Variants in SCNN1D observed in about 807,000 individuals in gnomAD.
SCNN1D encodes the protein epithelial sodium channel subunit delta.
Under a neutral mutation model 87.8 loss-of-function variants are expected in SCNN1D, and 104 were observed. The observed-to-expected ratio is 1.18, with a 90% CI of 1.01 to 1.39. The LOEUF is 1.39. Ranked by LOEUF, SCNN1D falls within the 40% of genes most tolerant of loss-of-function variation. SCNN1D has a pLI of 0.00. For synonymous variants in SCNN1D, 628 were observed against 481.2 expected (o/e 1.31, Z -3.99); for missense variants, 1,324 against 1,093.9 (o/e 1.21, Z -2.97).
intron 15 of SCNN1D, 57 bp downstream of exon 15, chr1:1,290,751 C>T: frequency 3.1e-6 from 5 of 1,598,322 alleles, no homozygotes; most frequent in East Asian, 2.2e-5. Context: ...CCCCACAGGT[C>T]CCACAGAGCC....
rs1038659290 is a variant in SCNN1D at position 1,281,668 on chromosome 1, C to T, written c.277+58C>T. ...CGGGAGGAGGGGAGGGGGGTGGAGC[C>T]GGGAGCTGCGTGATCCAGCCGAGAT... is the stretch of plus-strand genomic sequence containing the variant. On this transcript the variant is annotated intron_variant, in intron 3 of 17. Coordinates refer to ENST00000379116, the MANE Select transcript of SCNN1D (RefSeq NM_001130413.4). 8.3e-6 allele frequency: 12 copies of T among 1,451,144 alleles called. No individual in the cohort carries two copies. In the Admixed American group the frequency reaches 1.6e-4, roughly 20 times the overall value. 89.9% of individuals were successfully genotyped at this position (1,451,144 alleles called of 1,614,324 possible). A position where few individuals can be genotyped will look rare whatever the true frequency, so the allele number is the denominator to read the frequency against.
chr1:1,287,428 G>C (rs1019749810), intron 9 of SCNN1D, 80 bp from the exon 10 acceptor site: 1 of 1,487,144 alleles, frequency 6.7e-7, no homozygotes, highest in Non-Finnish European at 9.0e-7. Flanking sequence ...GCAGACACAG[G>C]GCAGGCCATG....
At chr1:1,284,228 TGGG>T (rs1275954172) in intron 5 of SCNN1D, 138 bp downstream of exon 5, 1 of 23,116 alleles carries the variant, frequency 4.3e-5, no homozygotes, top group Non-Finnish European at 7.8e-5. Context: ...GGGTTGGGGT[TGGG>T]GGGCCCCACC....
chr1:1,285,638 C>T lies in SCNN1D; in HGVS notation c.532C>T (p.His178Tyr). Residue 178 changes from histidine to tyrosine, a missense_variant, in exon 6 of 18, where the codon CAC (histidine) becomes TAC (tyrosine). His to Tyr is a moderately conservative substitution (Grantham distance 83). Transcript: ENST00000379116. ...LKGWQHRPTQ[H>Y]NAACKQGQAA... ...GGGATGGCAGCACAGACCCACTCAG[C>T]ACAACGCTGCCTGCAAACAGGGCCA... The T allele has an allele frequency of 1.3e-6, 2 of 1,546,994 alleles. No individual in the cohort carries two copies. The highest frequency in any genetic ancestry group is 1.7e-6 in the Non-Finnish European group (2 of 1,145,264).
At chr1:1,287,894 G>C in intron 11 of SCNN1D, 45 bp from the exon 12 acceptor site, 4 of 1,518,630 alleles carry the variant, frequency 2.6e-6, no homozygotes, top group Non-Finnish European at 1.8e-6. Flanking sequence ...CCTGGGCTTT[G>C]GGGGGTGAGG....
chr1:1,281,701 G>C, intron 3 of SCNN1D, 91 bp downstream of exon 3: 1 of 1,206,622 alleles, frequency 8.3e-7, no homozygotes, highest in South Asian at 1.5e-5. Context: ...GATGTGCTCT[G>C]ACTGAGGCCC....
rs140544860 is a variant in SCNN1D at position 1,290,374 on chromosome 1, G to C, written c.1766G>C (p.Arg589Pro). Residue 589 changes from arginine to proline, a missense_variant, in exon 13 of 18, where the codon CGG (arginine) becomes CCG (proline). Arg to Pro is a moderately radical substitution (Grantham distance 103). Transcript: ENST00000379116. ...PAGAEYCSSA[R>P]HPAWGHCFYR... ...GGGGCTGAGTACTGCAGCTCTGCCC[G>C]GCACCCTGCCTGGGGTGAGTCCTGC... 7.5e-6 allele frequency: 12 copies of C among 1,601,464 alleles called. No homozygotes were observed. Among genetic ancestry groups the C allele is most frequent in the Non-Finnish European group, 1.0e-5 (12 of 1,172,648 alleles).
intron 4 of SCNN1D, among the ~76,000 whole-genome samples, chr1:1,282,625 T>C (rs1640494083): frequency 1.3e-5 from 2 of 152,140 alleles, no homozygotes; most frequent in Non-Finnish European, 2.9e-5. Context: ...GACAGTAGCA[T>C]GTGGTCTTAG....
intron 5 of SCNN1D, among the ~76,000 whole-genome samples, chr1:1,285,070 A>G (rs910380388): frequency 1.3e-5 from 2 of 152,212 alleles, no homozygotes; most frequent in African/African-American, 2.4e-5. Context: ...CAGGGTGAGC[A>G]GAGCCATGTG....
chr1:1,282,036 A>C (rs1640480511), intron 3 of SCNN1D: 4 of 599,194 alleles, frequency 6.7e-6, no homozygotes, highest in South Asian at 4.1e-5. Context: ...AAAGCTGCCC[A>C]GATGTGGTGG....
At chr1:1,287,465 G>C in intron 9 of SCNN1D, 43 bp from the exon 10 acceptor site, 3 of 1,505,302 alleles carry the variant, frequency 2.0e-6, no homozygotes, top group Non-Finnish European at 1.8e-6. Context: ...TGACGGGCGC[G>C]GGCAGCCGAC....
rs1375027086 is a variant in SCNN1D at position 1,286,202 on chromosome 1, G to A, written c.835G>A (p.Val279Ile). Residue 279 changes from valine (V) to isoleucine (I), a missense_variant, in exon 7 of 18, where the codon GTC (valine) becomes ATC (isoleucine). Physicochemically the swap from Val to Ile is conservative, Grantham distance 29. Transcript: ENST00000379116. The part of the protein sequence containing the change: ...LLFERHWHRP[V>I]LMAVSVHSER... ...CTTTGAGCGTCACTGGCACCGCCCGGTCCTCATGGCCGTCTCTGTGCACTC... is the reference window on the plus strand; with the variant it reads ...CTTTGAGCGTCACTGGCACCGCCCGATCCTCATGGCCGTCTCTGTGCACTC... 1 of 1,601,308 alleles carries A rather than the reference G, an allele frequency of 6.2e-7. No individual in the cohort carries two copies. The highest frequency in any genetic ancestry group is 1.3e-5 in the African/African-American group (1 of 74,968).
chr1:1,290,089 G>A (rs1473044331), intron 12 of SCNN1D, among the ~76,000 whole-genome samples, 182 bp from the exon 13 acceptor site: 8 of 122,898 alleles, frequency 6.5e-5, no homozygotes, highest in South Asian at 2.7e-4. Flanking sequence ...TCTCTGCTCC[G>A]TCCCGTGTCT....
chr1:1,290,847 G>GC (rs761858435), intron 15 of SCNN1D, 48 bp from the exon 16 acceptor site: 3 of 1,600,752 alleles, frequency 1.9e-6, no homozygotes, highest in Admixed American at 1.7e-5. Context: ...ACCCAGGATG[G>GC]CCGGGGGCAT....
chr1:1,291,155 C>G lies in SCNN1D; in HGVS notation c.2052+15C>G. 1 of 1,609,960 alleles carries G rather than the reference C, an allele frequency of 6.2e-7. No homozygotes were observed. Among genetic ancestry groups the G allele is most frequent in the South Asian group, 1.1e-5 (1 of 90,674 alleles). On this transcript the variant is annotated intron_variant, in intron 17 of 17. Coordinates refer to ENST00000379116, the MANE Select transcript of SCNN1D (RefSeq NM_001130413.4). ...CCGTGTACTCGGTGAGCCTTGGCCC[C>G]CTGCCTGGGCTAGAGCGGGGGCAGC... is the stretch of plus-strand genomic sequence containing the variant.
intron 5 of SCNN1D, among the ~76,000 whole-genome samples, chr1:1,285,332 TC>T (rs1640564585): frequency 6.6e-6 from 1 of 152,166 alleles, no homozygotes; most frequent in South Asian, 2.1e-4. Context: ...CCCTTGTGTC[TC>T]CGCAGCTGGC....
Position 1,286,833 on chromosome 1 carries a change from T to G in SCNN1D, c.977T>G (p.Leu326Arg). Residue 326 changes from leucine (L) to arginine (R), a missense_variant, in exon 8 of 18, where the codon CTG becomes CGG. By Grantham distance (102) the Leu-to-Arg change is moderately radical (BLOSUM62 -2). Coordinates refer to ENST00000379116, the MANE Select transcript of SCNN1D (RefSeq NM_001130413.4). ...DEFARENIDS[L>R]YNVNLSKGRA... The stretch of plus-strand genomic sequence containing the variant: ...TTTGCCAGGGAGAACATTGACTCCC[T>G]GTACAACGTCAACCTCAGCAAAGGC... The G allele has an allele frequency of 6.2e-7, 1 of 1,612,664 alleles. No individual in the cohort carries two copies. The highest frequency in any genetic ancestry group is 8.5e-7 in the Non-Finnish European group (1 of 1,179,912).
chr1:1,286,880 G>A lies in SCNN1D; in HGVS notation c.1024G>A (p.Val342Ile), dbSNP rs145603786. ...SKGRAALSAT[V>I]PRHEPPFHLD... ...AGGCAGAGCCGCCCTCTCCGCCACT[G>A]TCCCCCGCCACGAGCCCCCCTTCCA... Residue 342 changes from valine (V) to isoleucine (I), a missense_variant, in exon 8 of 18, where the codon GTC (valine) becomes ATC (isoleucine). Physicochemically the swap from Val to Ile is conservative, Grantham distance 29 (BLOSUM62 3). Coordinates refer to ENST00000379116, the MANE Select transcript of SCNN1D (RefSeq NM_001130413.4). The A allele has an allele frequency of 3.1e-6, 5 of 1,612,528 alleles. No individual in the cohort carries two copies. Among genetic ancestry groups the A allele is most frequent in the South Asian group, 1.1e-5 (1 of 91,080 alleles).
In SCNN1D at chr1:1,291,487, G is replaced by A. The variant is rs200302126; in HGVS notation, c.2286G>A (p.Thr762=). 408 of 1,609,410 alleles carry A rather than the reference G, an allele frequency of 2.5e-4. 2 individuals are homozygous for A. The highest frequency in any genetic ancestry group is 2.1e-3 in the South Asian group (191 of 90,952). Residue 762 remains threonine, a synonymous_variant, in exon 18 of 18, where the codon ACG becomes ACA. Coordinates refer to ENST00000379116, the MANE Select transcript of SCNN1D (RefSeq NM_001130413.4). ...ASQMPPPAGG[T]SDDPEPSGPH... ...AGATGCCCCCGCCTGCAGGCGGCAC[G>A]TCAGATGACCCGGAGCCCAGCGGGC...
Sources: allele counts gnomAD v4.1 joint callset (sites outside exome capture counted in the v4.1 genomes callset), GRCh38; gene constraint gnomAD v4.1.1; transcripts MANE v1.5; gene names NCBI Gene and HGNC (gene_info 2026-07-23, HGNC 2026-07-21).